Variants in SUGCT observed in about 807,000 individuals in gnomAD.
The protein encoded by SUGCT is succinyl-CoA:glutarate-CoA transferase, also known as succinyl-CoA:glutarate CoA-transferase.
SUGCT carries 41 observed loss-of-function variants against 55.0 expected under a neutral mutation model. That is an observed-to-expected ratio of 0.74 (90% CI 0.58 to 0.97). SUGCT has a LOEUF of 0.97. Ranked by LOEUF, SUGCT falls within the 50% of genes least tolerant of loss-of-function variation. The pLI, the probability that SUGCT is intolerant of heterozygous loss-of-function variation, is 0.00. For missense variants in SUGCT, 568 were observed against 547.8 expected, an observed-to-expected ratio of 1.04 and a Z score of -0.37; for synonymous variants, 187 against 200.4, an observed-to-expected ratio of 0.93 and a Z score of 0.56.
intron 9 of SUGCT, among the ~76,000 whole-genome samples, chr7:40,406,891 G>A (rs765450388): frequency 1.3e-5 from 2 of 152,106 alleles, no homozygotes; most frequent in Non-Finnish European, 2.9e-5. Flanking sequence ...TTTGGCATGG[G>A]ACTAGAAACA....
chr7:40,386,582 G>GT (rs1271029457), intron 9 of SUGCT, among the ~76,000 whole-genome samples: 1 of 152,210 alleles, frequency 6.6e-6, no homozygotes, highest in Non-Finnish European at 1.5e-5. Flanking sequence ...GTTGCAGGAT[G>GT]TTTTTAGCAT....
chr7:40,927,758 TG>T, the SUGCT span, among the ~76,000 whole-genome samples: 1 of 152,190 alleles, frequency 6.6e-6, no homozygotes, highest in African/African-American at 2.4e-5. Context: ...ACCACTAAAA[TG>T]GGATATAGAA....
the SUGCT span, among the ~76,000 whole-genome samples, chr7:40,931,765 G>A: frequency 6.6e-6 from 1 of 152,168 alleles, no homozygotes; most frequent in Non-Finnish European, 1.5e-5. Flanking sequence ...GATCAGTGGT[G>A]ATATCTGCTT....
chr7:40,764,400 G>A (rs1228541172), intron 13 of SUGCT, among the ~76,000 whole-genome samples: 1 of 152,136 alleles, frequency 6.6e-6, no homozygotes, highest in Non-Finnish European at 1.5e-5. Flanking sequence ...GACTGCTTAT[G>A]TCTTTTACAT....
intron 13 of SUGCT, among the ~76,000 whole-genome samples, chr7:40,763,090 T>C (rs912458966): frequency 8.5e-5 from 13 of 152,132 alleles, no homozygotes; most frequent in Admixed American, 3.9e-4. Context: ...GTGCTGGGAT[T>C]ACAGGCATGA....
chr7:40,314,446 A>G (rs1157632642), intron 8 of SUGCT, among the ~76,000 whole-genome samples: 3 of 152,226 alleles, frequency 2.0e-5, no homozygotes. Flanking sequence ...GAAAAAATAA[A>G]TAAAAAGAAT....
Position 40,430,873 on chromosome 7 carries a change from G to A in SUGCT, c.817-18414G>A, listed in dbSNP as rs1787856936. The stretch of plus-strand genomic sequence containing the variant: ...TAACACCTGTAATCTCAGCACTTTG[G>A]GAGGCTGAGGCGGGCCTCAGCACTG... On this transcript the variant is annotated intron_variant, in intron 9 of 13. Coordinates refer to ENST00000335693, the MANE Select transcript of SUGCT (RefSeq NM_001193313.2). Among the ~76,000 whole-genome samples the A allele has an allele frequency of 4.6e-5, 7 of 151,788 alleles. No individual in the cohort carries two copies. The South Asian group carries it at 1.2e-3, about 27-fold the overall frequency.
At chr7:40,778,801 C>T (rs1176977990) in intron 13 of SUGCT, among the ~76,000 whole-genome samples, 2 of 152,340 alleles carry the variant, frequency 1.3e-5, no homozygotes, top group South Asian at 2.1e-4. Context: ...AAACATATTT[C>T]TGTGGTAGGT....
intron 8 of SUGCT, among the ~76,000 whole-genome samples, chr7:40,295,594 CAAAT>C (rs10683782): frequency 6.6e-6 from 1 of 151,542 alleles, no homozygotes; most frequent in Non-Finnish European, 1.5e-5. Context: ...AACAAACAAA[CAAAT>C]AAAAGAAAAA....
chr7:40,219,570 A>T (rs1185601179), intron 6 of SUGCT, among the ~76,000 whole-genome samples: 1 of 152,144 alleles, frequency 6.6e-6, no homozygotes, highest in Admixed American at 6.5e-5. Context: ...AAGTTAGGTG[A>T]CACTGTCTCT....
chr7:40,927,985 T>A, the SUGCT span, among the ~76,000 whole-genome samples: 2 of 152,186 alleles, frequency 1.3e-5, no homozygotes, highest in South Asian at 4.1e-4. Flanking sequence ...TTCTGGAATC[T>A]ATTGTTGCTA....
At chr7:40,771,948 G>GCATAGTTAATT (rs1789125802) in intron 13 of SUGCT, among the ~76,000 whole-genome samples, 1 of 152,150 alleles carries the variant, frequency 6.6e-6, no homozygotes, top group Admixed American at 6.5e-5. Context: ...AGAATTGTTA[G>GCATAGTTAATT]AGGATAGTTA....
intron 9 of SUGCT, among the ~76,000 whole-genome samples, chr7:40,351,485 A>T (rs1021114527): frequency 1.3e-5 from 2 of 152,170 alleles, no homozygotes; most frequent in Admixed American, 6.5e-5. Flanking sequence ...ATGTACTTAT[A>T]ATAGTGTGAT....
intron 9 of SUGCT, among the ~76,000 whole-genome samples, chr7:40,447,718 T>G (rs1358202870): frequency 6.6e-6 from 1 of 152,092 alleles, no homozygotes; most frequent in Admixed American, 6.6e-5. Flanking sequence ...AATGAAGAAC[T>G]TACAGATGAT....
chr7:40,873,248 C>G, the SUGCT span, among the ~76,000 whole-genome samples: 1 of 152,094 alleles, frequency 6.6e-6, no homozygotes, highest in African/African-American at 2.4e-5. Context: ...GAAAAAATTA[C>G]TTTGCCAAAG....
the SUGCT span, among the ~76,000 whole-genome samples, chr7:40,925,305 A>G: frequency 6.6e-6 from 1 of 152,174 alleles, no homozygotes; most frequent in Non-Finnish European, 1.5e-5. Flanking sequence ...ATATTCCCCC[A>G]TGTAAAGACT....
At chr7:40,842,580 CATTT>C (rs564534434) in intron 13 of SUGCT, among the ~76,000 whole-genome samples, 35 of 152,174 alleles carry the variant, frequency 2.3e-4, no homozygotes, top group Non-Finnish European at 4.3e-4. Context: ...TCTTCCTCTT[CATTT>C]ATTTGTTCAT....
At chr7:40,201,339 TCA>T (rs1786593298) in intron 6 of SUGCT, among the ~76,000 whole-genome samples, 1 of 152,184 alleles carries the variant, frequency 6.6e-6, no homozygotes, top group Non-Finnish European at 1.5e-5. Context: ...CTGGCGATGT[TCA>T]CACTGCATTA....
intron 8 of SUGCT, among the ~76,000 whole-genome samples, chr7:40,308,599 A>G (rs927027802): frequency 1.3e-5 from 2 of 152,078 alleles, no homozygotes; most frequent in Non-Finnish European, 2.9e-5. Context: ...CTCATCTTGT[A>G]CTACTGTCTC....
Sources: allele counts gnomAD v4.1 joint callset (sites outside exome capture counted in the v4.1 genomes callset), GRCh38; gene constraint gnomAD v4.1.1; transcripts MANE v1.5; gene names NCBI Gene and HGNC (gene_info 2026-07-23, HGNC 2026-07-21).